Variants in TASOR2 observed in about 807,000 individuals in gnomAD.
The protein encoded by TASOR2 is protein TASOR 2.
TASOR2 carries 84 observed loss-of-function variants against 199.5 expected under a neutral mutation model. The observed-to-expected ratio is 0.42, with a 90% CI of 0.35 to 0.50. The LOEUF is 0.50. TASOR2 is among the 20% of genes least tolerant of loss of function. TASOR2 has a pLI of 0.02. For synonymous variants in TASOR2, 1,103 were observed against 1,046.6 expected (o/e 1.05, Z -1.04); for missense variants, 2,796 against 2,835.9 (o/e 0.99, Z 0.32).
chr10:5,695,301 TG>T (rs1169320425), intron 1 of TASOR2, among the ~76,000 whole-genome samples: 10 of 152,214 alleles, frequency 6.6e-5, no homozygotes, highest in Admixed American at 6.5e-4. Context: ...ACTACACATA[TG>T]TAATTATAAA....
At chr10:5,746,075 CTA>C in intron 14 of TASOR2, 102 bp from the exon 16 acceptor site, 2 of 1,291,380 alleles carry the variant, frequency 1.5e-6, no homozygotes, top group Non-Finnish European at 1.0e-6. Context: ...CATTCACAAA[CTA>C]AAATTAATTT....
intron 16 of TASOR2, 79 bp from the exon 18 acceptor site, chr10:5,757,441 G>A: frequency 7.2e-7 from 1 of 1,385,538 alleles, no homozygotes; most frequent in Middle Eastern, 2.0e-4. Context: ...TGACTCTCTT[G>A]GATAGAAAAG....
chr10:5,694,491 G>T (rs559362796), intron 1 of TASOR2, among the ~76,000 whole-genome samples: 20 of 152,192 alleles, frequency 1.3e-4, no homozygotes, highest in African/African-American at 4.6e-4. Flanking sequence ...AGATAAACAA[G>T]AAAAAATACC....
rs1411398858 is a variant in TASOR2 at position 5,706,993 on chromosome 10, G to A, written c.-287-5830G>A. Among the ~76,000 whole-genome samples the A allele has an allele frequency of 8.2e-6, 1 of 121,274 alleles. No individual in the cohort carries two copies. Among genetic ancestry groups the A allele is most frequent in the Non-Finnish European group, 1.7e-5 (1 of 58,564 alleles). The allele number at this position is 121,274 out of a possible 152,430, so 79.6% of individuals were successfully genotyped here. ...CGCTCCAGCCTGGGCCACGGAGCAAGACTCCGTCTCAAAAAAAAAAAAGTA... is the reference window on the plus strand; with the variant it reads ...CGCTCCAGCCTGGGCCACGGAGCAAAACTCCGTCTCAAAAAAAAAAAAGTA... On this transcript the variant is annotated intron_variant, in intron 1 of 20. Transcript: ENST00000328090. This position sits in a 1 kb window ranked among gnomAD's most constrained non-coding sequence, Gnocchi z 4.8.
At chr10:5,746,147 A>ATT (rs59659624) in intron 14 of TASOR2, 32 bp from the exon 16 acceptor site, 223,501 of 1,374,364 alleles carry the variant, frequency 0.16, 2,877 homozygotes, top group Non-Finnish European at 0.17. Flanking sequence ...TATATGACTG[A>ATT]TTTTTTTTTT....
chr10:5,749,410 C>G (rs1171971573), exon 15 of TASOR2: 2 of 1,614,114 alleles, frequency 1.2e-6, no homozygotes, highest in African/African-American at 2.7e-5. Flanking sequence ...GGATTCTCAG[C>G]ATTCTGCCTC....
exon 15 of TASOR2, chr10:5,749,734 C>T (rs779418371): frequency 9.3e-6 from 15 of 1,614,018 alleles, no homozygotes; most frequent in Non-Finnish European, 1.2e-5. Context: ...GAAGGAATCT[C>T]GGAATGATAT....
chr10:5,696,067 G>A (rs1344051467), intron 1 of TASOR2, among the ~76,000 whole-genome samples: 4 of 152,202 alleles, frequency 2.6e-5, no homozygotes, highest in African/African-American at 9.7e-5. Context: ...GATGGTTAAG[G>A]TGGGGGTGAA....
At chr10:5,727,755 C>G (rs1834235609) in intron 10 of TASOR2, among the ~76,000 whole-genome samples, 1 of 152,108 alleles carries the variant, frequency 6.6e-6, no homozygotes, top group Admixed American at 6.6e-5. Context: ...TTTCTTTGTT[C>G]CCGTCAACAC....
In TASOR2 at chr10:5,746,567, C is replaced by T. The variant is rs371108148; in HGVS notation, c.3146C>T (p.Pro1049Leu). ...AATATGGGGTGTGCAGTGATTAACC[C>T]GGAACCAATTACTCTCACCTTTGAA... is the stretch of plus-strand genomic sequence containing the variant. Residue 1049 changes from proline (P) to leucine (L), a missense_variant, in exon 15 of 21, where the codon CCG (proline) becomes CTG (leucine). Physicochemically the swap from Pro to Leu is moderately conservative, Grantham distance 98. Around this residue, in one of 3 missense-constraint regions of TASOR2, gnomAD observed 1,941 missense variants for 1,924.9 expected, o/e 1.01. Coordinates refer to ENST00000328090, the Ensembl canonical transcript of TASOR2. 1.7e-5 allele frequency: 28 copies of T among 1,614,048 alleles called. No individual in the cohort carries two copies. The highest frequency in any genetic ancestry group is 9.3e-5 in the African/African-American group (7 of 74,998).
intron 14 of TASOR2, 49 bp from the exon 16 acceptor site, chr10:5,746,130 A>G (rs1837158716): frequency 6.7e-7 from 1 of 1,489,722 alleles, no homozygotes; most frequent in Non-Finnish European, 8.9e-7. Context: ...TCGTATAAAA[A>G]ACATTTTATA....
intron 1 of TASOR2, among the ~76,000 whole-genome samples, chr10:5,703,972 C>T (rs61832744): frequency 0.26 from 40,109 of 151,526 alleles, 6,059 homozygotes; most frequent in Non-Finnish European, 0.34. Flanking sequence ...CCTGTAATCC[C>T]AGCACTTTGG....
intron 19 of TASOR2, 164 bp downstream of exon 20, chr10:5,761,635 G>A (rs1298967246): frequency 3.2e-6 from 2 of 622,116 alleles, no homozygotes; most frequent in Middle Eastern, 3.0e-4. Context: ...TATATAAAAT[G>A]TAGTATTTGC....
At chr10:5,711,004 A>G (rs78613972) in intron 1 of TASOR2, among the ~76,000 whole-genome samples, 2,078 of 152,218 alleles carry the variant, frequency 0.014, 47 homozygotes, top group African/African-American at 0.048. Context: ...TGCTATTTGC[A>G]TCTATTCAGA....
In TASOR2 at chr10:5,710,382, T is replaced by C. The variant is rs1406670831; in HGVS notation, c.-287-2441T>C. On this transcript the variant is annotated intron_variant, in intron 1 of 20. Transcript: ENST00000328090. This position sits in a 1 kb window ranked among gnomAD's most constrained non-coding sequence, Gnocchi z 4.6. ...TATATTGAAGAATACTGGCCTAAAGTGGAAGCATTTTTAACCATAAATAAA... is the reference window on the plus strand; with the variant it reads ...TATATTGAAGAATACTGGCCTAAAGCGGAAGCATTTTTAACCATAAATAAA... Among the ~76,000 whole-genome samples, 1 of 152,124 alleles carries C rather than the reference T, an allele frequency of 6.6e-6. No individual in the cohort carries two copies. The highest frequency in any genetic ancestry group is 6.5e-5 in the Admixed American group (1 of 15,282).
In TASOR2 at chr10:5,748,735, T is replaced by C; in HGVS notation, c.5314T>C (p.Leu1772=). 1.2e-6 allele frequency: 2 copies of C among 1,614,192 alleles called. No homozygotes were observed. The highest frequency in any genetic ancestry group is 1.7e-6 in the Non-Finnish European group (2 of 1,180,028). ...CAAGGAAAACCTCAGTAAAGAGCCT[T>C]TGGCCTCCTTTGTTTCAGAATCCTT... is the stretch of plus-strand genomic sequence containing the variant. Residue 1772 remains leucine, a synonymous_variant, in exon 15 of 21, where the codon TTG becomes CTG. Transcript: ENST00000328090. This position sits in a 1 kb window ranked among gnomAD's most constrained non-coding sequence, Gnocchi z 5.1.
chr10:5,718,548 G>A (rs982836272), intron 3 of TASOR2, among the ~76,000 whole-genome samples: 2 of 151,990 alleles, frequency 1.3e-5, no homozygotes, highest in African/African-American at 4.8e-5. Flanking sequence ...AGGAGTTTGA[G>A]ACCAGCCTAG....
intron 14 of TASOR2, 62 bp from the exon 16 acceptor site, chr10:5,746,117 T>C: frequency 6.8e-7 from 1 of 1,473,456 alleles, no homozygotes; most frequent in Non-Finnish European, 9.0e-7. Flanking sequence ...CATGTACATA[T>C]AATCGTATAA....
intron 10 of TASOR2, 120 bp downstream of exon 11, chr10:5,727,243 T>C: frequency 1.0e-6 from 1 of 997,720 alleles, no homozygotes; most frequent in Non-Finnish European, 1.5e-6. Context: ...ATACCTCTTT[T>C]CTTAACATCA....
Sources: gnomAD v4.1 joint callset for allele counts (sites outside exome capture counted in the v4.1 genomes callset) on GRCh38, gnomAD v4.1.1 for gene constraint, gnomAD v4.1.1 regional missense constraint, Gnocchi (gnomAD v3.1) non-coding constraint, MANE v1.5 for transcripts, NCBI Gene and HGNC (gene_info 2026-07-23, HGNC 2026-07-21) for gene names.